DCDC2: variants seen among roughly 807,000 people sequenced by gnomAD.
DCDC2 encodes doublecortin domain-containing protein 2.
DCDC2 carries 40 observed loss-of-function variants against 50.2 expected under a neutral mutation model. The observed-to-expected ratio is 0.80, with a 90% CI of 0.62 to 1.04. The LOEUF is 1.04. Among genes scored for constraint, DCDC2 ranks in the 50% least tolerant of loss-of-function variants. The pLI is 0.00. For missense variants in DCDC2, 570 were observed against 581.9 expected (o/e 0.98, Z 0.21); for synonymous variants, 234 against 210.6 (o/e 1.11, Z -0.96).
chr6:24,379,788 C>A, the DCDC2 span, among the ~76,000 whole-genome samples: 5 of 152,114 alleles, frequency 3.3e-5, no homozygotes, highest in African/African-American at 4.8e-5. Flanking sequence ...TTGGAACCAA[C>A]CCAAATGTCC....
At chr6:24,246,467 C>CTT (rs1218009016) in intron 7 of DCDC2, among the ~76,000 whole-genome samples, 1 of 82,594 alleles carries the variant, frequency 1.2e-5, no homozygotes, top group Admixed American at 1.5e-4. Context: ...AAAGACAAGT[C>CTT]TTTTTCTTTT....
chr6:24,205,837 T>C (rs1487998291), intron 7 of DCDC2, among the ~76,000 whole-genome samples: 1 of 152,216 alleles, frequency 6.6e-6, no homozygotes, highest in Non-Finnish European at 1.5e-5. Flanking sequence ...AATCAAAGAA[T>C]TGCAGAACCA....
chr6:24,213,833 A>G lies in DCDC2; in HGVS notation c.923-8731T>C, dbSNP rs748488845. Among the ~76,000 whole-genome samples, 10 of 152,264 alleles carry G rather than the reference A, an allele frequency of 6.6e-5. No individual in the cohort carries two copies. The South Asian group carries it at 1.0e-3, about 16-fold the overall frequency. On this transcript the variant is annotated intron_variant, in intron 7 of 9. Transcript: ENST00000378454. ...TCCTGGGATCCCTGTCACAACTTAT[A>G]TAATACCCCTCTTTGCATCACCTTT...
intron 7 of DCDC2, among the ~76,000 whole-genome samples, chr6:24,211,340 G>A (rs1024253680): frequency 1.3e-5 from 2 of 152,166 alleles, no homozygotes; most frequent in Non-Finnish European, 2.9e-5. Context: ...TGACGAGAAA[G>A]AAGACAGATT....
chr6:24,253,311 A>T (rs1762829625), intron 7 of DCDC2, among the ~76,000 whole-genome samples: 1 of 152,214 alleles, frequency 6.6e-6, no homozygotes. Context: ...ATTATTATAG[A>T]TCCTACAGGC....
At chr6:24,382,941 G>GTAC in the DCDC2 span, among the ~76,000 whole-genome samples, 1 of 152,128 alleles carries the variant, frequency 6.6e-6, no homozygotes, top group Admixed American at 6.6e-5. Flanking sequence ...AGGTCAAACA[G>GTAC]TACTATCTCT....
chr6:24,289,956 T>C (rs807715), intron 5 of DCDC2, among the ~76,000 whole-genome samples: 141,389 of 144,080 alleles, frequency 0.98, 69,389 homozygotes, highest in East Asian at 1. Flanking sequence ...TCCTGCAGCA[T>C]GGGCCAGAGC....
At chr6:24,295,567 A>C (rs1759210904) in intron 4 of DCDC2, among the ~76,000 whole-genome samples, 1 of 152,158 alleles carries the variant, frequency 6.6e-6, no homozygotes, top group South Asian at 2.1e-4. Flanking sequence ...CTATATCTAG[A>C]AAATCTCACA....
rs1759847746 is a variant in DCDC2 at position 24,325,766 on chromosome 6, T to C, written c.349-23722A>G. Among the ~76,000 whole-genome samples, 2 of 149,420 alleles carry C rather than the reference T, an allele frequency of 1.3e-5. 1 individual carries two copies. Among genetic ancestry groups the C allele is most frequent in the Non-Finnish European group, 3.0e-5 (2 of 67,208 alleles). On this transcript the variant is annotated intron_variant, in intron 2 of 9. Transcript: ENST00000378454. Reference sequence around the variant, plus strand: ...TCTCAGCCTATAGAGCAGAGTTTATTCCTTAGTATAATATCAAGGCCTGTT... The same window carrying C: ...TCTCAGCCTATAGAGCAGAGTTTATCCCTTAGTATAATATCAAGGCCTGTT...
At chr6:24,186,642 G>T (rs914625458) in intron 8 of DCDC2, among the ~76,000 whole-genome samples, 2 of 152,174 alleles carry the variant, frequency 1.3e-5, no homozygotes, top group African/African-American at 4.8e-5. Flanking sequence ...TGAGCTGGGA[G>T]CCATGTCTCT....
chr6:24,228,053 G>A (rs942327849), intron 7 of DCDC2, among the ~76,000 whole-genome samples: 2 of 152,192 alleles, frequency 1.3e-5, no homozygotes, highest in African/African-American at 4.8e-5. Flanking sequence ...TGGAAAGTTG[G>A]CAAGCTTCAA....
At chr6:24,318,878 G>C (rs1014064389) in intron 2 of DCDC2, among the ~76,000 whole-genome samples, 1 of 151,948 alleles carries the variant, frequency 6.6e-6, no homozygotes, top group Non-Finnish European at 1.5e-5. Context: ...ATTGTGAATA[G>C]TGCTGAGATA....
intron 7 of DCDC2, among the ~76,000 whole-genome samples, chr6:24,228,816 C>T (rs1245038351): frequency 1.3e-5 from 2 of 152,124 alleles, no homozygotes; most frequent in East Asian, 3.9e-4. Flanking sequence ...TGGTCACTGT[C>T]CACAAAGAGG....
At chr6:24,178,213 T>G in intron 9 of DCDC2, 117 bp downstream of exon 9, 1 of 1,022,434 alleles carries the variant, frequency 9.8e-7, no homozygotes, top group South Asian at 1.5e-5. Flanking sequence ...TCTTTCCTAC[T>G]CAACCACAAG....
intron 5 of DCDC2, among the ~76,000 whole-genome samples, chr6:24,289,117 T>A (rs1763683186): frequency 6.6e-6 from 1 of 152,248 alleles, no homozygotes; most frequent in Non-Finnish European, 1.5e-5. Context: ...TGTTTTCCTG[T>A]ATAATATTTT....
intron 8 of DCDC2, among the ~76,000 whole-genome samples, chr6:24,184,389 C>T (rs1336343759): frequency 6.6e-6 from 1 of 151,880 alleles, no homozygotes; most frequent in Non-Finnish European, 1.5e-5. Flanking sequence ...CTGGGGACAA[C>T]ATGATGAAAC....
chr6:24,240,456 A>G (rs1762542614), intron 7 of DCDC2, among the ~76,000 whole-genome samples: 1 of 152,206 alleles, frequency 6.6e-6, no homozygotes, highest in African/African-American at 2.4e-5. Flanking sequence ...ATTACAAAAC[A>G]TTTGGTCAAC....
rs200512781 is a variant in DCDC2 at position 24,348,065 on chromosome 6, G to A, written c.348+5504C>T. Among the ~76,000 whole-genome samples, 76 of 152,322 alleles carry A rather than the reference G, an allele frequency of 5.0e-4. 2 individuals carry two copies. The South Asian group carries it at 0.014, about 29-fold the overall frequency. On this transcript the variant is annotated intron_variant, in intron 2 of 9. Transcript: ENST00000378454. ...AGACAACTCTGATGTATATGTTAAA[G>A]CCTAATCAGAAGTCTAACAGGAACA...
intron 7 of DCDC2, among the ~76,000 whole-genome samples, chr6:24,248,690 T>A (rs941850919): frequency 6.6e-6 from 1 of 152,140 alleles, no homozygotes; most frequent in Non-Finnish European, 1.5e-5. Context: ...ACATGCCACG[T>A]ACTCCACCTG....
Sources: gnomAD v4.1 joint callset for allele counts (sites outside exome capture counted in the v4.1 genomes callset) on GRCh38, gnomAD v4.1.1 for gene constraint, MANE v1.5 for transcripts, NCBI Gene and HGNC (gene_info 2026-07-23, HGNC 2026-07-21) for gene names.